The following DAOA variants were observed in gnomAD, a reference collection of about 807,000 sequenced individuals.
DAOA encodes the protein D-amino acid oxidase regulator.
In DAOA, 15 loss-of-function variants were observed where a neutral mutation model predicts 16.4. The ratio of observed to expected loss-of-function variants is 0.91; its 90% CI spans 0.61 to 1.41. The LOEUF is 1.41. Among genes scored for constraint, DAOA ranks in the 40% most tolerant of loss-of-function variants. The pLI is 0.00. For missense variants in DAOA, 230 were observed against 176.8 expected, an observed-to-expected ratio of 1.30 and a Z score of -1.71; for synonymous variants, 75 against 59.1, an observed-to-expected ratio of 1.27 and a Z score of -1.23.
chr13:105,473,227 G>A (rs962306715), intron 4 of DAOA, among the ~76,000 whole-genome samples: 3 of 151,832 alleles, frequency 2.0e-5, no homozygotes, highest in African/African-American at 7.3e-5. Context: ...CTGTTTCCCA[G>A]ATTATTTTCC....
intron 4 of DAOA, among the ~76,000 whole-genome samples, chr13:105,484,333 A>G (rs1380309617): frequency 1.3e-5 from 2 of 152,160 alleles, no homozygotes; most frequent in African/African-American, 2.4e-5. Context: ...GCGTTTACAT[A>G]GGAATTTTAA....
Position 105,466,248 on chromosome 13 carries a change from T to G in DAOA, c.-41T>G. 6 of 1,613,664 alleles carry G rather than the reference T, an allele frequency of 3.7e-6. No homozygotes were observed. Among genetic ancestry groups the G allele is most frequent in the Non-Finnish European group, 5.1e-6 (6 of 1,179,732 alleles). ...AAAGGGCATGGCAGGAGGTCTCATC[T>G]CTGCTTCACAATGCCGATGATTTAG... is the stretch of plus-strand genomic sequence containing the variant. On this transcript the variant is annotated 5_prime_UTR_variant, in exon 2 of 6. Coordinates refer to ENST00000375936, the MANE Select transcript of DAOA (RefSeq NM_172370.5).
intron 1 of DAOA, 69 bp from the exon 2 acceptor site, chr13:105,466,147 G>T (rs549296162): frequency 1.5e-6 from 2 of 1,330,628 alleles, no homozygotes; most frequent in African/African-American, 2.9e-5. Flanking sequence ...TGCTGCAAAA[G>T]AGCTACACCC....
At chr13:105,489,783 T>A in intron 4 of DAOA, 118 bp from the exon 5 acceptor site, 1 of 1,604,650 alleles carries the variant, frequency 6.2e-7, no homozygotes, top group Non-Finnish European at 8.5e-7. Context: ...TACCCTTGAA[T>A]GTGGGCAGGA....
intron 3 of DAOA, among the ~76,000 whole-genome samples, chr13:105,468,728 C>T (rs1303841038): frequency 6.6e-6 from 1 of 152,142 alleles, no homozygotes; most frequent in African/African-American, 2.4e-5. Flanking sequence ...TTCAACAAAG[C>T]TAAGAATGTT....
At chr13:105,481,302 T>C (rs1877727886) in intron 4 of DAOA, among the ~76,000 whole-genome samples, 1 of 152,114 alleles carries the variant, frequency 6.6e-6, no homozygotes, top group Non-Finnish European at 1.5e-5. Context: ...AACATGCCAT[T>C]ATCATCCCAC....
At chr13:105,467,325 C>G (rs1036579527) in intron 3 of DAOA, among the ~76,000 whole-genome samples, 184 bp downstream of exon 3, 1 of 152,160 alleles carries the variant, frequency 6.6e-6, no homozygotes, top group African/African-American at 2.4e-5. Context: ...TGTTAGCAAC[C>G]ATTCACACTT....
intron 4 of DAOA, among the ~76,000 whole-genome samples, chr13:105,483,740 T>C (rs535953304): frequency 1.3e-5 from 2 of 152,226 alleles, no homozygotes; most frequent in South Asian, 4.1e-4. Flanking sequence ...GATACAAATC[T>C]TATATTAGAT....
intron 4 of DAOA, among the ~76,000 whole-genome samples, chr13:105,487,859 A>G (rs74911762): frequency 0.027 from 4,100 of 152,262 alleles, 66 homozygotes; most frequent in African/African-American, 0.033. Flanking sequence ...TGATACAGCA[A>G]ATGGAGTGAC....
intron 2 of DAOA, 138 bp from the exon 3 acceptor site, chr13:105,466,915 T>C (rs1876561537): frequency 4.3e-6 from 5 of 1,156,550 alleles, no homozygotes; most frequent in Non-Finnish European, 5.6e-6. Context: ...AAGACGTATT[T>C]GGCTGAATAG....
In DAOA at chr13:105,467,155, T is replaced by C. The variant is rs770747460; in HGVS notation, c.133+14T>C. 4.4e-6 allele frequency: 7 copies of C among 1,583,676 alleles called. No individual in the cohort carries two copies. The Admixed American group carries it at 1.1e-4, about 24-fold the overall frequency. On this transcript the variant is annotated intron_variant, in intron 3 of 5. Coordinates refer to ENST00000375936, the MANE Select transcript of DAOA (RefSeq NM_172370.5). ...TAAACTCTATTGGTATGTTACTCTT[T>C]ATCTTTATATGAATTTAAATTCTTC...
intron 4 of DAOA, among the ~76,000 whole-genome samples, chr13:105,480,583 A>C (rs1877667110): frequency 6.6e-6 from 1 of 151,026 alleles, no homozygotes; most frequent in South Asian, 2.1e-4. Flanking sequence ...ATTTGTTAGG[A>C]GAATTGGCTC....
intron 4 of DAOA, among the ~76,000 whole-genome samples, chr13:105,478,936 G>A (rs1359236648): frequency 6.6e-6 from 1 of 152,132 alleles, no homozygotes; most frequent in Non-Finnish European, 1.5e-5. Context: ...ACTCATTTGT[G>A]TTGCTTTTTG....
chr13:105,466,053 A>ATG lies in DAOA; in HGVS notation c.-74+2_-74+3dup. On this transcript the variant is annotated 5_prime_UTR_variant, in exon 1 of 6. An upstream open reading frame in the 5' UTR gains an earlier in-frame stop. Transcript: ENST00000375936. ...GCCAGAAAGTAGAGTGAAGCAAGTA[A>ATG]TGTGTGTGTGAGTAGTCATTGGATA... 7 of 438,076 alleles carry ATG rather than the reference A, an allele frequency of 1.6e-5. No individual in the cohort carries two copies. Among genetic ancestry groups the ATG allele is most frequent in the Non-Finnish European group, 2.3e-5 (6 of 258,188 alleles). 27.1% of individuals were successfully genotyped at this position (438,076 alleles called of 1,614,324 possible).
chr13:105,474,057 A>G (rs1033876705), intron 4 of DAOA, among the ~76,000 whole-genome samples: 5 of 152,140 alleles, frequency 3.3e-5, no homozygotes, highest in Non-Finnish European at 7.4e-5. Context: ...AATTTAAACT[A>G]TGTATATATT....
chr13:105,472,557 A>G lies in DAOA; in HGVS notation c.153A>G (p.Gly51=), dbSNP rs1877036480. ...LNSIAKETEE[G]RETVTRKEGW... Reference sequence around the variant, plus strand: ...TTGCAGCAAAGGAGACAGAAGAAGGAAGAGAGACGGTAACAAGGAAAGAAG... The same window carrying G: ...TTGCAGCAAAGGAGACAGAAGAAGGGAGAGAGACGGTAACAAGGAAAGAAG... The change falls in exon 4 of 6, where the codon GGA becomes GGG. Residue 51 remains glycine (G), a synonymous_variant. Coordinates refer to ENST00000375936, the MANE Select transcript of DAOA (RefSeq NM_172370.5). 1 of 1,614,018 alleles carries G rather than the reference A, an allele frequency of 6.2e-7. No individual in the cohort carries two copies. The highest frequency in any genetic ancestry group is 8.5e-7 in the Non-Finnish European group (1 of 1,179,922).
rs745384917 is a variant in DAOA, at chr13:105,466,053, A to T, written c.-81A>T. Reference sequence around the variant, plus strand: ...GCCAGAAAGTAGAGTGAAGCAAGTAATGTGTGTGTGAGTAGTCATTGGATA... The same window carrying T: ...GCCAGAAAGTAGAGTGAAGCAAGTATTGTGTGTGTGAGTAGTCATTGGATA... On this transcript the variant is annotated 5_prime_UTR_variant, in exon 1 of 6. An upstream start codon of the reference 5' UTR is lost. Coordinates refer to ENST00000375936, the MANE Select transcript of DAOA (RefSeq NM_172370.5). 2.3e-5 allele frequency: 10 copies of T among 438,076 alleles called. No individual in the cohort carries two copies. Among genetic ancestry groups the T allele is most frequent in the Non-Finnish European group, 3.5e-5 (9 of 258,188 alleles). 27.1% of individuals were successfully genotyped at this position (438,076 alleles called of 1,614,324 possible).
Position 105,485,166 on chromosome 13 carries a change from T to C in DAOA, c.282-4735T>C, listed in dbSNP as rs543526354. The stretch of plus-strand genomic sequence containing the variant: ...AAGTTATCTACTTGCATAGCTTTGA[T>C]GATAATTTGAATAGAAATGACTCCC... On this transcript the variant is annotated intron_variant, in intron 4 of 5. Transcript: ENST00000375936. Among the ~76,000 whole-genome samples the C allele has an allele frequency of 6.0e-4, 92 of 152,342 alleles. 2 individuals are homozygous for C. The South Asian group carries it at 0.018, about 31-fold the overall frequency.
intron 3 of DAOA, among the ~76,000 whole-genome samples, 188 bp from the exon 4 acceptor site, chr13:105,472,350 A>G (rs1034233392): frequency 6.6e-6 from 1 of 152,198 alleles, no homozygotes; most frequent in African/African-American, 2.4e-5. Flanking sequence ...CTCAAAACAC[A>G]GATGTATATT....
Sources: gnomAD v4.1 joint callset for allele counts (sites outside exome capture counted in the v4.1 genomes callset) on GRCh38, gnomAD v4.1.1 for gene constraint, MANE v1.5 for transcripts, NCBI Gene and HGNC (gene_info 2026-07-23, HGNC 2026-07-21) for gene names.